TIMP2: variants seen among roughly 807,000 people sequenced by gnomAD.
TIMP2 encodes metalloproteinase inhibitor 2.
A neutral mutation model predicts 24.3 loss-of-function variants in TIMP2; 5 were observed. The ratio of observed to expected loss-of-function variants is 0.21; its 90% CI spans 0.11 to 0.43. The LOEUF is 0.43. Among genes scored for constraint, TIMP2 ranks in the 20% least tolerant of loss-of-function variants. TIMP2 has a pLI of 1.00. For synonymous variants in TIMP2, 130 were observed against 123.2 expected, an observed-to-expected ratio of 1.06 and a Z score of -0.37; for missense variants, 221 against 297.5, an observed-to-expected ratio of 0.74 and a Z score of 1.89.
intron 1 of TIMP2, among the ~76,000 whole-genome samples, chr17:78,916,160 C>T (rs747215804): frequency 3.7e-4 from 56 of 152,170 alleles, no homozygotes; most frequent in Admixed American, 2.3e-3. Flanking sequence ...GCTCCGAGAG[C>T]TTCCTGGGAG....
chr17:78,919,614 C>T (rs897816515), intron 1 of TIMP2, among the ~76,000 whole-genome samples: 1 of 152,156 alleles, frequency 6.6e-6, no homozygotes, highest in African/African-American at 2.4e-5. Flanking sequence ...GTGGGCGGAT[C>T]ACGAGGTCAG....
chr17:78,859,201 T>C (rs200210603), intron 3 of TIMP2, among the ~76,000 whole-genome samples: 4 of 152,224 alleles, frequency 2.6e-5, no homozygotes, highest in Admixed American at 2.6e-4. Flanking sequence ...TGATGAGCTG[T>C]GGCTTCTTTC....
rs1047542101 is a variant in TIMP2, at chr17:78,855,628, C to T, written c.*39G>A. 83 of 1,607,156 alleles carry T rather than the reference C, an allele frequency of 5.2e-5. No individual in the cohort carries two copies. Among genetic ancestry groups the T allele is most frequent in the Admixed American group, 1.3e-4 (8 of 59,710 alleles). On this transcript the variant is annotated 3_prime_UTR_variant, in exon 5 of 5. Coordinates refer to ENST00000262768, the MANE Select transcript of TIMP2 (RefSeq NM_003255.5). The surrounding 1 kb of genome is among the most constrained non-coding windows in gnomAD (Gnocchi z 6.0). ...CTGGACCAGTCGAAACCCTTGGAGG[C>T]TTTTTTTGCAGTTGGCCACAGGGGC...
At chr17:78,923,719 G>A (rs1372283635) in intron 1 of TIMP2, among the ~76,000 whole-genome samples, 1 of 152,200 alleles carries the variant, frequency 6.6e-6, no homozygotes, top group African/African-American at 2.4e-5. Flanking sequence ...CCGCCCAGGT[G>A]GCCTGAGCCA....
chr17:78,920,213 CCA>C lies in TIMP2; in HGVS notation c.130+4744_130+4745del, dbSNP rs1406690946. 5.9e-5 allele frequency among the ~76,000 whole-genome samples: 9 copies of C among 152,210 alleles called. No individual in the cohort carries two copies. In the South Asian group the frequency reaches 1.0e-3, roughly 17 times the overall value. The stretch of plus-strand genomic sequence containing the variant: ...CTGTTCTCCATGTGCTCAGATGTCG[CCA>C]CAGAGTCTGAACCTCTCAGCCCACA... On this transcript the variant is annotated intron_variant, in intron 1 of 4. Transcript: ENST00000262768. This position sits in a 1 kb window ranked among gnomAD's most constrained non-coding sequence, Gnocchi z 4.5.
intron 1 of TIMP2, among the ~76,000 whole-genome samples, chr17:78,879,187 GAC>G (rs1220382718): frequency 2.0e-5 from 3 of 152,256 alleles, no homozygotes; most frequent in Admixed American, 6.5e-5. Context: ...CAGGCAAGAT[GAC>G]AGACGATGGA....
At chr17:78,923,396 T>TGGGGGGGG (rs1255104339) in intron 1 of TIMP2, among the ~76,000 whole-genome samples, 7 of 47,692 alleles carry the variant, frequency 1.5e-4, no homozygotes, top group Admixed American at 4.5e-4. Context: ...TGGGGCGGGG[T>TGGGGGGGG]GGGGGGGGGG....
At position 78,870,836 on chromosome 17, in the gene TIMP2, C is replaced by T. The variant is rs1449388329; in HGVS notation, c.340+62G>A. On this transcript the variant is annotated intron_variant, in intron 3 of 4. Transcript: ENST00000262768. Reference sequence around the variant, plus strand: ...CGAGCCTGGGAAACGAGCCCTGGACCGCGTCTAGGAACAGCCCCACTTCTG... The same window carrying T: ...CGAGCCTGGGAAACGAGCCCTGGACTGCGTCTAGGAACAGCCCCACTTCTG... The T allele has an allele frequency of 3.7e-5, 54 of 1,440,320 alleles. No homozygotes were observed. The Admixed American group carries it at 5.5e-4, about 15-fold the overall frequency. The allele number at this position is 1,440,320 out of a possible 1,614,324, so 89.2% of individuals were successfully genotyped here.
intron 1 of TIMP2, among the ~76,000 whole-genome samples, chr17:78,881,200 G>A (rs139840735): frequency 8.5e-5 from 13 of 152,232 alleles, no homozygotes; most frequent in Non-Finnish European, 1.6e-4. Context: ...CCTCCCAGCC[G>A]TCCACCCTCT....
chr17:78,918,781 T>C (rs2070285094), intron 1 of TIMP2, among the ~76,000 whole-genome samples: 1 of 152,072 alleles, frequency 6.6e-6, no homozygotes, highest in Non-Finnish European at 1.5e-5. Flanking sequence ...GGCAGATCAC[T>C]TGAGCTCAGG....
At chr17:78,897,712 TCTC>T (rs2070025567) in intron 1 of TIMP2, 3 of 152,192 alleles carry the variant, frequency 2.0e-5, no homozygotes, top group East Asian at 1.9e-4. Flanking sequence ...AGAGTGCCTC[TCTC>T]CTCCTCAAGG....
chr17:78,859,523 C>T (rs574543886), intron 3 of TIMP2, among the ~76,000 whole-genome samples: 3 of 151,656 alleles, frequency 2.0e-5, no homozygotes, highest in African/African-American at 4.9e-5. Flanking sequence ...AATAGCCAGG[C>T]GTGGTGATGC....
rs944256079 is a variant in TIMP2, at chr17:78,853,847, G to C, written c.*1820C>G. 1 of 152,532 alleles carries C rather than the reference G, an allele frequency of 6.6e-6. No individual in the cohort carries two copies. Among genetic ancestry groups the C allele is most frequent in the Non-Finnish European group, 1.5e-5 (1 of 68,054 alleles). 9.4% of individuals were successfully genotyped at this position (152,532 alleles called of 1,614,324 possible). A position where few individuals can be genotyped will look rare whatever the true frequency, so the allele number is the denominator to read the frequency against. On this transcript the variant is annotated 3_prime_UTR_variant, in exon 5 of 5. Coordinates refer to ENST00000262768, the MANE Select transcript of TIMP2 (RefSeq NM_003255.5). ...CATATGATATCACCATACAGGAAGC[G>C]AACAGGGGTGGGGTGTTATATGGGT... is the stretch of plus-strand genomic sequence containing the variant.
chr17:78,920,401 C>A lies in TIMP2; in HGVS notation c.130+4558G>T, dbSNP rs562728055. Among the ~76,000 whole-genome samples, 1 of 152,182 alleles carries A rather than the reference C, an allele frequency of 6.6e-6. No individual in the cohort carries two copies. The highest frequency in any genetic ancestry group is 1.5e-5 in the Non-Finnish European group (1 of 68,036). Reference sequence around the variant, plus strand: ...GAGGCCCGAGAGGCTCTGAGGCTGGCACTGTCCTCAGATCCCAGATAGGGA... The same window carrying A: ...GAGGCCCGAGAGGCTCTGAGGCTGGAACTGTCCTCAGATCCCAGATAGGGA... On this transcript the variant is annotated intron_variant, in intron 1 of 4. Coordinates refer to ENST00000262768, the MANE Select transcript of TIMP2 (RefSeq NM_003255.5). The surrounding 1 kb of genome is among the most constrained non-coding windows in gnomAD (Gnocchi z 4.5).
chr17:78,889,557 T>A (rs969387668), intron 1 of TIMP2, among the ~76,000 whole-genome samples: 2 of 152,256 alleles, frequency 1.3e-5, no homozygotes, highest in African/African-American at 4.8e-5. Context: ...CACTAAGTGA[T>A]CTATCTCCTG....
chr17:78,860,719 G>T (rs1567991163), intron 3 of TIMP2, among the ~76,000 whole-genome samples: 1 of 152,122 alleles, frequency 6.6e-6, no homozygotes, highest in African/African-American at 2.4e-5. Flanking sequence ...ACTTCATAAG[G>T]TAAATGTTTG....
Position 78,896,531 on chromosome 17 carries a change from G to A in TIMP2, c.131-22612C>T, listed in dbSNP as rs939651495. On this transcript the variant is annotated intron_variant, in intron 1 of 4. Coordinates refer to ENST00000262768, the MANE Select transcript of TIMP2 (RefSeq NM_003255.5). This position sits in a 1 kb window ranked among gnomAD's most constrained non-coding sequence, Gnocchi z 4.4. ...GCTTAGAATATTCTAGAAGGGGCAG[G>A]GGTCCTGGCGCTCCTCTGTCCTCCA... Among the ~76,000 whole-genome samples the A allele has an allele frequency of 2.6e-5, 4 of 152,098 alleles. No individual in the cohort carries two copies. Among genetic ancestry groups the A allele is most frequent in the African/African-American group, 9.7e-5 (4 of 41,402 alleles).
chr17:78,860,408 C>G (rs968826284), intron 3 of TIMP2, among the ~76,000 whole-genome samples: 3 of 152,174 alleles, frequency 2.0e-5, no homozygotes, highest in African/African-American at 7.2e-5. Flanking sequence ...CTCAGAGGAT[C>G]CACTAATAGA....
At chr17:78,866,928 C>A (rs1359488060) in intron 3 of TIMP2, among the ~76,000 whole-genome samples, 1 of 152,062 alleles carries the variant, frequency 6.6e-6, no homozygotes, top group Admixed American at 6.6e-5. Flanking sequence ...TTCTTTTTGA[C>A]TGTAGTGATG....
Sources: gnomAD v4.1 joint callset for allele counts (sites outside exome capture counted in the v4.1 genomes callset) on GRCh38, gnomAD v4.1.1 for gene constraint, Gnocchi (gnomAD v3.1) non-coding constraint, MANE v1.5 for transcripts, NCBI Gene and HGNC (gene_info 2026-07-23, HGNC 2026-07-21) for gene names.